The following CCDC138 variants were observed in gnomAD, a reference collection of about 807,000 sequenced individuals.
The protein encoded by CCDC138 is coiled-coil domain-containing protein 138.
Under a neutral mutation model 82.3 loss-of-function variants are expected in CCDC138, and 66 were observed. The observed-to-expected ratio is 0.80, with a 90% CI of 0.66 to 0.98. The LOEUF (loss-of-function observed/expected upper bound fraction) is 0.98, where lower values mean the gene tolerates loss of function less well. CCDC138 is among the 50% of genes least tolerant of loss of function. The probability of loss-of-function intolerance (pLI) is 0.00; values close to 1 mark genes in which losing one functional copy is unlikely to be tolerated. For synonymous variants in CCDC138, 297 were observed against 265.4 expected (o/e 1.12, Z -1.16); for missense variants, 816 against 758.9 (o/e 1.08, Z -0.88).
intron 10 of CCDC138, among the ~76,000 whole-genome samples, chr2:108,831,745 C>A (rs1326533526): frequency 6.6e-6 from 1 of 151,894 alleles, no homozygotes; most frequent in South Asian, 2.1e-4. Flanking sequence ...TCCGTCCTTC[C>A]TGTTGAAACG....
intron 11 of CCDC138, among the ~76,000 whole-genome samples, chr2:108,841,228 A>G (rs1482704710): frequency 6.6e-6 from 1 of 152,008 alleles, no homozygotes; most frequent in East Asian, 1.9e-4. Flanking sequence ...GGCTGAGAAT[A>G]TGTATTCTGT....
chr2:108,847,004 A>G (rs891818613), intron 12 of CCDC138, 74 bp downstream of exon 12: 15 of 824,578 alleles, frequency 1.8e-5, no homozygotes, highest in Non-Finnish European at 3.0e-5. Flanking sequence ...CAATTCTTTT[A>G]TCAAATATGT....
At chr2:108,847,120 C>G (rs112161146) in intron 12 of CCDC138, among the ~76,000 whole-genome samples, 190 bp downstream of exon 12, 3 of 152,182 alleles carry the variant, frequency 2.0e-5, no homozygotes, top group African/African-American at 7.2e-5. Flanking sequence ...TAGTTGGATT[C>G]TTGCCTCCTC....
chr2:108,814,761 G>A (rs145645221), intron 9 of CCDC138, among the ~76,000 whole-genome samples: 1,874 of 150,120 alleles, frequency 0.012, 49 homozygotes, highest in African/African-American at 0.044. Flanking sequence ...CAAGCCTCCC[G>A]AAGAGATGGG....
chr2:108,872,539 T>G (rs6720376), intron 13 of CCDC138, among the ~76,000 whole-genome samples: 110,687 of 151,976 alleles, frequency 0.73, 43,042 homozygotes, highest in East Asian at 0.95. Context: ...TACCTGAGAC[T>G]GGGTAAGTTA....
chr2:108,788,430 A>G (rs889712538), intron 2 of CCDC138, among the ~76,000 whole-genome samples: 1 of 149,940 alleles, frequency 6.7e-6, no homozygotes, highest in African/African-American at 2.5e-5. Context: ...CAAAAAAGAA[A>G]AAAATAGGCT....
chr2:108,792,842 A>G lies in CCDC138; in HGVS notation c.394+1040A>G, dbSNP rs1573915123. The stretch of plus-strand genomic sequence containing the variant: ...CACTTTGGGAGGCCGAGGCGGGTGG[A>G]TCACGAGGTCAGGAGATCGAGACCA... On this transcript the variant is annotated intron_variant, in intron 4 of 14. Coordinates refer to ENST00000295124, the MANE Select transcript of CCDC138 (RefSeq NM_144978.3). Among the ~76,000 whole-genome samples, 3 of 152,124 alleles carry G rather than the reference A, an allele frequency of 2.0e-5. No individual in the cohort carries two copies. In the East Asian group the frequency reaches 5.8e-4, roughly 29 times the overall value.
At chr2:108,834,990 A>T (rs1688337847) in intron 10 of CCDC138, among the ~76,000 whole-genome samples, 2 of 152,254 alleles carry the variant, frequency 1.3e-5, no homozygotes, top group Admixed American at 1.3e-4. Context: ...AATTGAAGTC[A>T]AATGGATCTT....
At chr2:108,804,080 T>A (rs1184132521) in intron 6 of CCDC138, among the ~76,000 whole-genome samples, 1 of 152,154 alleles carries the variant, frequency 6.6e-6, no homozygotes, top group African/African-American at 2.4e-5. Context: ...TATTCTTGAT[T>A]CTCTTTAGAT....
chr2:108,873,193 C>G (rs1331671105), intron 13 of CCDC138, among the ~76,000 whole-genome samples: 2 of 152,124 alleles, frequency 1.3e-5, no homozygotes, highest in Admixed American at 1.3e-4. Flanking sequence ...TTCTTTCAAA[C>G]ATGGGATTTC....
chr2:108,858,929 A>C (rs1002555884), intron 13 of CCDC138, among the ~76,000 whole-genome samples: 1 of 152,158 alleles, frequency 6.6e-6, no homozygotes, highest in African/African-American at 2.4e-5. Context: ...ACTGATGGGC[A>C]CCTAGGTTGA....
In CCDC138 at chr2:108,851,963, G is replaced by A. The variant is rs1691587210; in HGVS notation, c.1517-4831G>A. 2.0e-5 allele frequency among the ~76,000 whole-genome samples: 3 copies of A among 152,238 alleles called. No individual in the cohort carries two copies. The South Asian group carries it at 6.2e-4, about 32-fold the overall frequency. ...AACGATACAATCTGCATTTGACAGA[G>A]CCTAATTTAGCCTCTATCAATTGCT... On this transcript the variant is annotated intron_variant, in intron 12 of 14. Transcript: ENST00000295124.
intron 12 of CCDC138, among the ~76,000 whole-genome samples, chr2:108,855,413 T>C (rs1371858164): frequency 6.6e-6 from 1 of 152,042 alleles, no homozygotes; most frequent in African/African-American, 2.4e-5. Flanking sequence ...GGTGGCACTG[T>C]GATAAAACTT....
chr2:108,853,239 C>G (rs1691827566), intron 12 of CCDC138, among the ~76,000 whole-genome samples: 1 of 152,076 alleles, frequency 6.6e-6, no homozygotes, highest in Non-Finnish European at 1.5e-5. Context: ...CAGATTTATT[C>G]CCTGCAATAA....
chr2:108,820,699 C>CAA (rs764017401), intron 10 of CCDC138, among the ~76,000 whole-genome samples: 37 of 62,534 alleles, frequency 5.9e-4, no homozygotes, highest in African/African-American at 1.3e-3. Flanking sequence ...ATTCAAAGTG[C>CAA]AAAAAAAAAA....
intron 11 of CCDC138, among the ~76,000 whole-genome samples, chr2:108,846,430 G>A (rs760011007): frequency 1.3e-5 from 2 of 151,770 alleles, no homozygotes; most frequent in Non-Finnish European, 1.5e-5. Flanking sequence ...TGTAATCCCA[G>A]CATTTTGGGA....
rs1690565136 is a variant in CCDC138, at chr2:108,846,785, T to A, written c.1371T>A (p.Phe457Leu). Residue 457 changes from phenylalanine (F) to leucine (L), a missense_variant, in exon 12 of 15, where the codon TTT (phenylalanine) becomes TTA (leucine). Coordinates refer to ENST00000295124, the MANE Select transcript of CCDC138 (RefSeq NM_144978.3). The stretch of plus-strand genomic sequence containing the variant: ...TGAGGAGATTGGGTGAAGACATTTT[T>A]AAAGGAGTGGTAACTAAAGGAATTC... ...STLRRLGEDIFKGVVTKGIQD... is the reference protein window; with the variant it reads ...STLRRLGEDILKGVVTKGIQD... The A allele has an allele frequency of 6.2e-7, 1 of 1,612,862 alleles. No homozygotes were observed. Among genetic ancestry groups the A allele is most frequent in the African/African-American group, 1.3e-5 (1 of 74,872 alleles).
intron 10 of CCDC138, among the ~76,000 whole-genome samples, chr2:108,816,668 A>G (rs1463800334): frequency 6.6e-6 from 1 of 152,126 alleles, no homozygotes; most frequent in African/African-American, 2.4e-5. Context: ...TCATGAGGGC[A>G]TCCCTCATAA....
chr2:108,845,323 C>A (rs1164206654), intron 11 of CCDC138, among the ~76,000 whole-genome samples: 1 of 152,016 alleles, frequency 6.6e-6, no homozygotes, highest in Non-Finnish European at 1.5e-5. Flanking sequence ...ACCTGTAAAA[C>A]CTCAATAGAT....
Sources: gnomAD v4.1 joint callset for allele counts (sites outside exome capture counted in the v4.1 genomes callset) on GRCh38, gnomAD v4.1.1 for gene constraint, MANE v1.5 for transcripts, NCBI Gene and HGNC (gene_info 2026-07-23, HGNC 2026-07-21) for gene names.